Variants in FYN observed in about 807,000 individuals in gnomAD.
FYN encodes tyrosine-protein kinase Fyn.
A neutral mutation model predicts 70.2 loss-of-function variants in FYN; 10 were observed. The ratio of observed to expected loss-of-function variants is 0.14; its 90% confidence interval spans 0.09 to 0.24. FYN has a LOEUF of 0.24. Among genes scored for constraint, FYN ranks in the 10% least tolerant of loss-of-function variants. The pLI, the probability that FYN is intolerant of heterozygous loss-of-function variation, is 1.00. For synonymous variants in FYN, 236 were observed against 248.6 expected (o/e 0.95, Z 0.48); for missense variants, 319 against 673.1 (o/e 0.47, Z 5.82).
At chr6:111,730,719 G>C (rs560314310) in intron 3 of FYN, among the ~76,000 whole-genome samples, 4 of 152,290 alleles carry the variant, frequency 2.6e-5, no homozygotes, top group African/African-American at 9.6e-5. Flanking sequence ...AGGCAACACT[G>C]GTTCATGTGA....
chr6:111,870,712 A>C (rs949558876), intron 1 of FYN, among the ~76,000 whole-genome samples: 2 of 152,234 alleles, frequency 1.3e-5, no homozygotes, highest in African/African-American at 4.8e-5. Context: ...ACGGCTTCAC[A>C]GAGGAGATGA....
chr6:111,691,604 G>A (rs895588341), intron 12 of FYN, among the ~76,000 whole-genome samples: 2 of 152,160 alleles, frequency 1.3e-5, no homozygotes, highest in African/African-American at 4.8e-5. Flanking sequence ...TTTCTGCCTC[G>A]TAAAGCAGCC....
intron 1 of FYN, among the ~76,000 whole-genome samples, chr6:111,858,119 C>T (rs1255471203): frequency 6.6e-6 from 1 of 152,144 alleles, no homozygotes; most frequent in East Asian, 1.9e-4. Flanking sequence ...GTCGGGATTT[C>T]CCCACGCCAT....
intron 3 of FYN, among the ~76,000 whole-genome samples, chr6:111,732,781 C>T (rs1801526731): frequency 1.3e-5 from 2 of 152,190 alleles, no homozygotes; most frequent in African/African-American, 4.8e-5. Context: ...GGGTGTGGTG[C>T]TGGTGAACTG....
intron 12 of FYN, among the ~76,000 whole-genome samples, chr6:111,690,060 G>A (rs1455211327): frequency 6.6e-6 from 1 of 152,174 alleles, no homozygotes; most frequent in East Asian, 1.9e-4. Flanking sequence ...AGTCTGCAGA[G>A]GATTTTCCCA....
intron 3 of FYN, among the ~76,000 whole-genome samples, chr6:111,764,620 CCAAA>C (rs1347003193): frequency 2.0e-5 from 3 of 152,160 alleles, no homozygotes; most frequent in Admixed American, 1.3e-4. Context: ...CTATTTGTAA[CCAAA>C]CAGCCTCCCT....
intron 3 of FYN, among the ~76,000 whole-genome samples, chr6:111,779,121 ATTTTTTTTTTTT>A (rs397934539): frequency 1.1e-5 from 1 of 91,494 alleles, no homozygotes; most frequent in African/African-American, 4.2e-5. Flanking sequence ...AGTAGGAGAC[ATTTTTTTTTTTT>A]TTTTTTTTTT....
intron 2 of FYN, among the ~76,000 whole-genome samples, chr6:111,824,344 G>C: frequency 6.6e-6 from 1 of 152,150 alleles, no homozygotes; most frequent in Non-Finnish European, 1.5e-5. Context: ...ACTTTGAAAT[G>C]ATTTTCCTCC....
At chr6:111,832,346 C>T (rs1008001695) in intron 2 of FYN, among the ~76,000 whole-genome samples, 1 of 152,200 alleles carries the variant, frequency 6.6e-6, no homozygotes, top group African/African-American at 2.4e-5. Flanking sequence ...CTATTAGCTG[C>T]TAATATACAG....
chr6:111,839,617 A>G (rs1373009726), intron 2 of FYN, among the ~76,000 whole-genome samples: 1 of 152,196 alleles, frequency 6.6e-6, no homozygotes, highest in Non-Finnish European at 1.5e-5. Context: ...GTTTTCAAAA[A>G]GACAGTGATA....
chr6:111,749,237 T>C (rs1802380811), intron 3 of FYN, among the ~76,000 whole-genome samples: 1 of 152,226 alleles, frequency 6.6e-6, no homozygotes, highest in South Asian at 2.1e-4. Context: ...TCAATATTCA[T>C]AGCCCCAAAT....
chr6:111,823,372 T>C (rs1458446727), intron 2 of FYN, among the ~76,000 whole-genome samples: 1 of 152,174 alleles, frequency 6.6e-6, no homozygotes, highest in Non-Finnish European at 1.5e-5. Context: ...TTTAAAAAAA[T>C]GTGAAATATC....
Position 111,812,658 on chromosome 6 carries a change from G to C in FYN, c.-81-32023C>G, listed in dbSNP as rs549589856. Among the ~76,000 whole-genome samples the C allele has an allele frequency of 2.1e-5, 3 of 140,486 alleles. No homozygotes were observed. In the East Asian group the frequency reaches 6.2e-4, roughly 29 times the overall value. The allele number at this position is 140,486 out of a possible 152,430, so 92.2% of individuals were successfully genotyped here. On this transcript the variant is annotated intron_variant, in intron 2 of 13. Transcript: ENST00000354650. ...AGGGAGGGAGGTTGGACAGGAGGAGGCTATAAAGCTTCCTGAAGGTCAAAG... is the reference window on the plus strand; with the variant it reads ...AGGGAGGGAGGTTGGACAGGAGGAGCCTATAAAGCTTCCTGAAGGTCAAAG...
chr6:111,753,899 CA>C (rs1802593873), intron 3 of FYN, among the ~76,000 whole-genome samples: 1 of 152,164 alleles, frequency 6.6e-6, no homozygotes, highest in African/African-American at 2.4e-5. Flanking sequence ...AGTTGCTTAA[CA>C]AACCAAGCTC....
chr6:111,741,722 A>G (rs1045055258), intron 3 of FYN, among the ~76,000 whole-genome samples: 2 of 152,242 alleles, frequency 1.3e-5, no homozygotes, highest in African/African-American at 4.8e-5. Flanking sequence ...GCAAGAAACT[A>G]GTCCAGTGTA....
intron 12 of FYN, among the ~76,000 whole-genome samples, chr6:111,679,794 A>G (rs1365222323): frequency 6.6e-6 from 1 of 152,150 alleles, no homozygotes; most frequent in Non-Finnish European, 1.5e-5. Flanking sequence ...GTGTGTTCAG[A>G]TCCCCTTTGG....
chr6:111,870,005 TA>T (rs1427753127), intron 1 of FYN, among the ~76,000 whole-genome samples: 2 of 152,246 alleles, frequency 1.3e-5, no homozygotes, highest in African/African-American at 2.4e-5. Context: ...CATTAGCCTA[TA>T]AGTTTCTTGA....
chr6:111,662,854 G>A (rs1583275484), intron 13 of FYN, among the ~76,000 whole-genome samples: 1 of 152,174 alleles, frequency 6.6e-6, no homozygotes, highest in African/African-American at 2.4e-5. Context: ...GACCATGTCC[G>A]GGGCCTATCT....
intron 2 of FYN, among the ~76,000 whole-genome samples, chr6:111,797,742 C>G (rs1294654751): frequency 7.5e-6 from 1 of 133,924 alleles, no homozygotes; most frequent in African/African-American, 2.6e-5. Flanking sequence ...CACACCCCTC[C>G]CAAAAACGAC....
Sources: gnomAD v4.1 joint callset for allele counts (sites outside exome capture counted in the v4.1 genomes callset) on GRCh38, gnomAD v4.1.1 for gene constraint, MANE v1.5 for transcripts, NCBI Gene and HGNC (gene_info 2026-07-23, HGNC 2026-07-21) for gene names.